IL1RAPL2: variants seen among roughly 807,000 people sequenced by gnomAD.
The protein encoded by IL1RAPL2 is X-linked interleukin-1 receptor accessory protein-like 2.
Under a neutral mutation model 44.1 loss-of-function variants are expected in IL1RAPL2, and 3 were observed. That is an observed-to-expected ratio of 0.07 (90% CI 0.03 to 0.18). The LOEUF is 0.18. Among genes scored for constraint, IL1RAPL2 ranks in the 10% least tolerant of loss-of-function variants. The pLI is 1.00. For missense variants in IL1RAPL2, 391 were observed against 496.4 expected (o/e 0.79, Z 2.02); for synonymous variants, 181 against 178.8 (o/e 1.01, Z -0.10).
At chrX:104,889,714 A>T (rs1923362709) in intron 2 of IL1RAPL2, among the ~76,000 whole-genome samples, 1 of 111,840 alleles carries the variant, frequency 8.9e-6, no homozygotes, top group Admixed American at 9.5e-5. Flanking sequence ...TATCTACTTC[A>T]TTATCCTACT....
At chrX:104,923,231 T>C (rs1161985324) in intron 2 of IL1RAPL2, among the ~76,000 whole-genome samples, 1 of 112,205 alleles carries the variant, frequency 8.9e-6, no homozygotes, top group Non-Finnish European at 1.9e-5. Flanking sequence ...TTGGAAAACG[T>C]ATTTTAGGGA....
At chrX:105,080,145 A>T (rs905843580) in intron 2 of IL1RAPL2, among the ~76,000 whole-genome samples, 27 of 112,201 alleles carry the variant, frequency 2.4e-4, no homozygotes, top group Non-Finnish European at 5.1e-4. Context: ...ACAGATTGCA[A>T]AAATTTTCTA....
At chrX:105,390,152 A>G (rs1017842210) in intron 5 of IL1RAPL2, among the ~76,000 whole-genome samples, 3 of 111,600 alleles carry the variant, frequency 2.7e-5, no homozygotes, top group African/African-American at 9.8e-5. Context: ...TCTCAGACAA[A>G]AGATAAGATA....
chrX:104,862,016 G>C (rs771445378), intron 2 of IL1RAPL2, among the ~76,000 whole-genome samples: 13 of 110,491 alleles, frequency 1.2e-4, no homozygotes, highest in Non-Finnish European at 1.7e-4. Flanking sequence ...ACAAACGGAA[G>C]GGGGAGGCAT....
At chrX:104,755,303 C>T (rs948519011) in intron 2 of IL1RAPL2, among the ~76,000 whole-genome samples, 3 of 109,652 alleles carry the variant, frequency 2.7e-5, no homozygotes, top group African/African-American at 6.6e-5. Flanking sequence ...CAGGCAAGGG[C>T]TATTATCACC....
chrX:105,200,018 TGAGA>T (rs2033703532), intron 3 of IL1RAPL2, among the ~76,000 whole-genome samples: 1 of 111,604 alleles, frequency 9.0e-6, no homozygotes, highest in Non-Finnish European at 1.9e-5. Flanking sequence ...ATGTGCCAAG[TGAGA>T]AATTCCGTCC....
At chrX:104,771,726 T>G (rs926328492) in intron 2 of IL1RAPL2, among the ~76,000 whole-genome samples, 4 of 111,399 alleles carry the variant, frequency 3.6e-5, no homozygotes, top group African/African-American at 1.3e-4. Context: ...ATTCAGCTGA[T>G]TGGCAGGGCT....
chrX:105,410,700 A>G (rs957217236), intron 5 of IL1RAPL2, among the ~76,000 whole-genome samples: 5 of 112,028 alleles, frequency 4.5e-5, no homozygotes, highest in Non-Finnish European at 7.5e-5. Context: ...AAGTAGGAAT[A>G]AAAACCCCCT....
intron 1 of IL1RAPL2, among the ~76,000 whole-genome samples, chrX:104,585,438 C>A (rs1928542489): frequency 1.7e-5 from 1 of 58,125 alleles, no homozygotes; most frequent in African/African-American, 6.9e-5. Context: ...AAATCATGCC[C>A]CCTTCAGTTC....
chrX:105,495,857 C>G (rs2036353200), intron 6 of IL1RAPL2, among the ~76,000 whole-genome samples: 1 of 111,225 alleles, frequency 9.0e-6, no homozygotes, highest in Non-Finnish European at 1.9e-5. Flanking sequence ...TCGGCCAGGG[C>G]GTTCCAAAGT....
At chrX:105,203,948 A>G (rs1244170302) in intron 3 of IL1RAPL2, among the ~76,000 whole-genome samples, 1 of 111,472 alleles carries the variant, frequency 9.0e-6, no homozygotes, top group Non-Finnish European at 1.9e-5. Context: ...AAATTTCTCA[A>G]TTTTTAAATT....
intron 5 of IL1RAPL2, among the ~76,000 whole-genome samples, chrX:105,295,865 A>T (rs908839679): frequency 1.2e-4 from 13 of 111,080 alleles, no homozygotes; most frequent in African/African-American, 4.2e-4. Context: ...TAAGATAAAA[A>T]CCCCACCACC....
chrX:104,569,529 T>G (rs921315173), intron 1 of IL1RAPL2, among the ~76,000 whole-genome samples: 3 of 112,287 alleles, frequency 2.7e-5, no homozygotes, highest in African/African-American at 9.7e-5. Context: ...GAACAGCCCC[T>G]TATAACCATC....
intron 2 of IL1RAPL2, among the ~76,000 whole-genome samples, chrX:104,958,643 G>A (rs895131651): frequency 1.9e-5 from 2 of 104,040 alleles, no homozygotes; most frequent in Admixed American, 1.1e-4. Context: ...CACAGTACAG[G>A]TTGGTAAGTG....
intron 5 of IL1RAPL2, among the ~76,000 whole-genome samples, chrX:105,479,279 C>A (rs1248260026): frequency 1.8e-5 from 2 of 111,450 alleles, no homozygotes; most frequent in Admixed American, 9.6e-5. Flanking sequence ...CTTGAAACAG[C>A]CTAGAACAGT....
intron 2 of IL1RAPL2, among the ~76,000 whole-genome samples, chrX:105,163,029 C>G (rs1209444312): frequency 9.0e-6 from 1 of 111,568 alleles, no homozygotes; most frequent in East Asian, 2.8e-4. Context: ...CTTGGGGTCC[C>G]TTTAACTTCT....
chrX:105,467,268 C>A (rs2147769072), intron 5 of IL1RAPL2, among the ~76,000 whole-genome samples: 1 of 111,786 alleles, frequency 8.9e-6, no homozygotes, highest in African/African-American at 3.2e-5. Flanking sequence ...TGAGACATTT[C>A]TTATTAGCCA....
At chrX:105,260,392 G>A (rs1279143495) in intron 4 of IL1RAPL2, among the ~76,000 whole-genome samples, 3 of 112,160 alleles carry the variant, frequency 2.7e-5, no homozygotes, top group Non-Finnish European at 5.6e-5. Context: ...AGTAGGAAAG[G>A]GATTGGGGAC....
intron 2 of IL1RAPL2, among the ~76,000 whole-genome samples, chrX:105,059,679 T>A (rs756690588): frequency 9.0e-6 from 1 of 111,121 alleles, no homozygotes; most frequent in South Asian, 3.9e-4. Context: ...TACAGGTGTC[T>A]GTCACCATGC....
Sources: gnomAD v4.1 joint callset for allele counts (sites outside exome capture counted in the v4.1 genomes callset) on GRCh38, gnomAD v4.1.1 for gene constraint, MANE v1.5 for transcripts, NCBI Gene and HGNC (gene_info 2026-07-23, HGNC 2026-07-21) for gene names.